CCNT2: variants seen among roughly 807,000 people sequenced by gnomAD.
CCNT2 encodes cyclin T2.
Under a neutral mutation model 70.0 loss-of-function variants are expected in CCNT2, and 18 were observed. The observed-to-expected ratio is 0.26, with a 90% CI of 0.18 to 0.38. The LOEUF is 0.38. Ranked by LOEUF, CCNT2 falls within the 10% of genes least tolerant of loss-of-function variation. The pLI, the probability that CCNT2 is intolerant of heterozygous loss-of-function variation, is 1.00. For synonymous variants in CCNT2, 334 were observed against 313.3 expected, an observed-to-expected ratio of 1.07 and a Z score of -0.70; for missense variants, 734 against 890.2, an observed-to-expected ratio of 0.82 and a Z score of 2.23.
intron 5 of CCNT2, chr2:134,943,487 G>A (rs1681719062): frequency 1.0e-6 from 1 of 984,944 alleles, no homozygotes; most frequent in African/African-American, 1.7e-5. Context: ...TTTTTCGAGG[G>A]TCTTTGACAT....
At chr2:134,923,210 G>A (rs561561078) in intron 2 of CCNT2, among the ~76,000 whole-genome samples, 1 of 152,230 alleles carries the variant, frequency 6.6e-6, no homozygotes, top group Admixed American at 6.5e-5. Flanking sequence ...GAACCTGAGA[G>A]GTGGAGGTTG....
In CCNT2 at chr2:134,958,917, C is replaced by T. The variant is rs985841767; in HGVS notation, c.*4269C>T. 6.6e-6 allele frequency: 1 copy of T among 152,148 alleles called. No individual in the cohort carries two copies. The highest frequency in any genetic ancestry group is 2.4e-5 in the African/African-American group (1 of 41,420). The allele number at this position is 152,148 out of a possible 1,614,324, so 9.4% of individuals were successfully genotyped here. On this transcript the variant is annotated 3_prime_UTR_variant, in exon 9 of 9. Coordinates refer to ENST00000264157, the MANE Select transcript of CCNT2 (RefSeq NM_058241.3). ...GAATGGCTAGGAGTAATTCTGTTCT[C>T]GTATAGGCAACTTAACTTCACTGTG...
At chr2:134,919,968 C>T (rs560832369) in intron 2 of CCNT2, 77 bp downstream of exon 2, 1 of 946,386 alleles carries the variant, frequency 1.1e-6, no homozygotes, top group Non-Finnish European at 1.7e-6. Flanking sequence ...TTGGTCATTG[C>T]GTTGTTGGAT....
At chr2:134,925,112 G>A (rs796268622) in intron 2 of CCNT2, among the ~76,000 whole-genome samples, 1 of 152,184 alleles carries the variant, frequency 6.6e-6, no homozygotes, top group Non-Finnish European at 1.5e-5. Context: ...TGGTCAGAAG[G>A]TCTAAAGTCT....
At position 134,956,113 on chromosome 2, in the gene CCNT2, A is replaced by G. The variant is rs1379367800; in HGVS notation, c.*1465A>G. ...GTAAATCTTTTGAGTTGTTGAGTAT[A>G]TTTGAGATTGATTGGATTCGACCTC... On this transcript the variant is annotated 3_prime_UTR_variant, in exon 9 of 9. Transcript: ENST00000264157. The G allele has an allele frequency of 6.6e-6, 1 of 152,646 alleles. No individual in the cohort carries two copies. The highest frequency in any genetic ancestry group is 1.5e-5 in the Non-Finnish European group (1 of 68,026). 9.5% of individuals were successfully genotyped at this position (152,646 alleles called of 1,614,324 possible). A position where few individuals can be genotyped will look rare whatever the true frequency, so the allele number is the denominator to read the frequency against.
At chr2:134,925,318 A>G (rs1002201452) in intron 2 of CCNT2, among the ~76,000 whole-genome samples, 2 of 152,086 alleles carry the variant, frequency 1.3e-5, no homozygotes, top group Admixed American at 1.3e-4. Flanking sequence ...CCTTTTTGTG[A>G]TATAATTCAC....
chr2:134,920,271 T>C (rs539702836), intron 2 of CCNT2: 1 of 154,486 alleles, frequency 6.5e-6, no homozygotes, highest in South Asian at 2.0e-4. Flanking sequence ...GGACTCATTG[T>C]TTAAAAGACT....
intron 2 of CCNT2, among the ~76,000 whole-genome samples, chr2:134,930,177 C>A (rs1680638300): frequency 1.3e-5 from 2 of 152,224 alleles, no homozygotes; most frequent in South Asian, 4.1e-4. Flanking sequence ...CAACCCTGGG[C>A]AACCCCTAAA....
chr2:134,922,582 T>C (rs567695813), intron 2 of CCNT2, among the ~76,000 whole-genome samples: 2 of 152,290 alleles, frequency 1.3e-5, no homozygotes, highest in East Asian at 1.9e-4. Context: ...GTTCACTAGA[T>C]GCAATGAGGT....
At chr2:134,944,152 G>A (rs1681778920) in intron 5 of CCNT2, 3 of 984,002 alleles carry the variant, frequency 3.0e-6, no homozygotes, top group South Asian at 9.4e-5. Context: ...GGTTATATCA[G>A]CGTGTTTTAT....
chr2:134,931,303 A>T lies in CCNT2; in HGVS notation c.241-5538A>T, dbSNP rs115400141. Reference sequence around the variant, plus strand: ...TTTTTTTTTTGGTATTTGAATATACAGTTGTCCCAGCACCATTTGCTGAAA... The same window carrying T: ...TTTTTTTTTTGGTATTTGAATATACTGTTGTCCCAGCACCATTTGCTGAAA... On this transcript the variant is annotated intron_variant, in intron 2 of 8. Coordinates refer to ENST00000264157, the MANE Select transcript of CCNT2 (RefSeq NM_058241.3). Among the ~76,000 whole-genome samples the T allele has an allele frequency of 4.7e-3, 295 of 62,840 alleles. 1 individual carries two copies. Among genetic ancestry groups the T allele is most frequent in the African/African-American group, 0.014 (271 of 18,820 alleles). The allele number at this position is 62,840 out of a possible 152,430, so 41.2% of individuals were successfully genotyped here. A position where few individuals can be genotyped will look rare whatever the true frequency, so the allele number is the denominator to read the frequency against.
intron 2 of CCNT2, among the ~76,000 whole-genome samples, chr2:134,923,955 G>C (rs892876039): frequency 3.3e-5 from 5 of 152,166 alleles, no homozygotes; most frequent in African/African-American, 1.2e-4. Flanking sequence ...CCGCCTCATT[G>C]CACTAAATCC....
intron 2 of CCNT2, among the ~76,000 whole-genome samples, chr2:134,922,095 A>G (rs1044427795): frequency 6.6e-6 from 1 of 152,194 alleles, no homozygotes; most frequent in Non-Finnish European, 1.5e-5. Flanking sequence ...GTGGTCTGAA[A>G]TTGAATGTGA....
chr2:134,923,669 T>G (rs138188952), intron 2 of CCNT2, among the ~76,000 whole-genome samples: 24 of 152,212 alleles, frequency 1.6e-4, no homozygotes, highest in African/African-American at 3.4e-4. Context: ...TGAAATTTTA[T>G]TAAGATCTCA....
At chr2:134,931,923 A>G (rs926623895) in intron 2 of CCNT2, among the ~76,000 whole-genome samples, 19 of 152,068 alleles carry the variant, frequency 1.2e-4, no homozygotes, top group Admixed American at 6.5e-5. Flanking sequence ...AGCTGTGTCT[A>G]TATAAGAGAG....
At chr2:134,950,320 T>C (rs191560861) in intron 7 of CCNT2, among the ~76,000 whole-genome samples, 1 of 152,284 alleles carries the variant, frequency 6.6e-6, no homozygotes, top group Admixed American at 6.5e-5. Context: ...GTTAAGACTT[T>C]CACCATGTTT....
intron 2 of CCNT2, among the ~76,000 whole-genome samples, chr2:134,935,105 A>G (rs886891069): frequency 6.6e-6 from 1 of 152,236 alleles, no homozygotes; most frequent in Non-Finnish European, 1.5e-5. Context: ...GCTAAATCCT[A>G]GGAACACAAA....
chr2:134,927,722 A>T (rs1474817191), intron 2 of CCNT2, among the ~76,000 whole-genome samples: 3 of 152,214 alleles, frequency 2.0e-5, no homozygotes, highest in African/African-American at 7.2e-5. Context: ...GTGAAAATCC[A>T]ATTAGATAAC....
At chr2:134,929,652 C>G (rs541096479) in intron 2 of CCNT2, among the ~76,000 whole-genome samples, 4,726 of 73,718 alleles carry the variant, frequency 0.064, 136 homozygotes, top group Middle Eastern at 0.53. Context: ...TAAATAGATG[C>G]CTTTTTTTTT....
Sources: allele counts gnomAD v4.1 joint callset (sites outside exome capture counted in the v4.1 genomes callset), GRCh38; gene constraint gnomAD v4.1.1; transcripts MANE v1.5; gene names NCBI Gene and HGNC (gene_info 2026-07-23, HGNC 2026-07-21).